MAP4: variants seen among roughly 807,000 people sequenced by gnomAD.
MAP4 encodes the protein microtubule associated protein 4.
MAP4 carries 76 observed loss-of-function variants against 170.2 expected under a neutral mutation model. The observed-to-expected ratio is 0.45, with a 90% CI of 0.37 to 0.54. The LOEUF is 0.54. Ranked by LOEUF, MAP4 falls within the 20% of genes least tolerant of loss-of-function variation. MAP4 has a pLI of 0.00. For synonymous variants in MAP4, 909 were observed against 994.5 expected (o/e 0.91, Z 1.62); for missense variants, 2,506 against 2,748.0 (o/e 0.91, Z 1.97).
intron 2 of MAP4, among the ~76,000 whole-genome samples, chr3:47,986,320 TTTG>T (rs1286964721): frequency 6.6e-6 from 1 of 150,718 alleles, no homozygotes; most frequent in Non-Finnish European, 1.5e-5. Flanking sequence ...TTTTTGTTGC[TTTG>T]TTTTTTGTTT....
chr3:47,924,713 C>T (rs905629831), intron 4 of MAP4, among the ~76,000 whole-genome samples: 3 of 152,068 alleles, frequency 2.0e-5, no homozygotes, highest in South Asian at 4.1e-4. Context: ...CTTACGTGGC[C>T]GTTGAATGGA....
intron 1 of MAP4, among the ~76,000 whole-genome samples, chr3:48,002,954 A>T (rs182473647): frequency 8.3e-5 from 12 of 144,754 alleles, no homozygotes; most frequent in Admixed American, 6.2e-4. Flanking sequence ...ATTAAGGCCA[A>T]AAATAAATAA....
chr3:48,062,391 A>T (rs2100136111), intron 1 of MAP4, among the ~76,000 whole-genome samples: 1 of 150,140 alleles, frequency 6.7e-6, no homozygotes, highest in African/African-American at 2.4e-5. Flanking sequence ...GCCTAGGAAA[A>T]CCAGAGACCT....
chr3:47,973,024 T>A, intron 3 of MAP4: 1 of 985,228 alleles, frequency 1.0e-6, no homozygotes. Context: ...TTACCCAACT[T>A]GTGTTTTAGT....
At chr3:48,008,284 G>C (rs909858453) in intron 1 of MAP4, among the ~76,000 whole-genome samples, 23 of 152,196 alleles carry the variant, frequency 1.5e-4, no homozygotes, top group Non-Finnish European at 7.3e-5. Flanking sequence ...AGTTCCCTAT[G>C]ATCAGCTGAC....
intron 1 of MAP4, among the ~76,000 whole-genome samples, chr3:48,044,250 G>A (rs955458438): frequency 4.6e-4 from 70 of 150,820 alleles, no homozygotes; most frequent in African/African-American, 1.7e-3. Context: ...CACCTCCCAG[G>A]TTCATGCCAT....
chr3:47,974,347 C>G (rs1184462430), intron 3 of MAP4: 1 of 502,934 alleles, frequency 2.0e-6, no homozygotes, highest in Non-Finnish European at 2.6e-6. Context: ...ACCACTTGAA[C>G]CTGGGAGGCA....
chr3:47,927,034 C>T (rs1414569051), intron 4 of MAP4, among the ~76,000 whole-genome samples: 1 of 151,568 alleles, frequency 6.6e-6, no homozygotes, highest in Non-Finnish European at 1.5e-5. Context: ...TAGTGGGCAC[C>T]TGTAATTCCA....
In MAP4 at chr3:47,912,399, G is replaced by A. The variant is rs368195567; in HGVS notation, c.2022C>T (p.Thr674=). The A allele has an allele frequency of 3.4e-6, 5 of 1,489,442 alleles. No individual in the cohort carries two copies. The African/African-American group carries it at 5.6e-5, about 17-fold the overall frequency. 92.3% of individuals were successfully genotyped at this position (1,489,442 alleles called of 1,614,324 possible). A position where few individuals can be genotyped will look rare whatever the true frequency, so the allele number is the denominator to read the frequency against. The change falls in exon 9 of 21, where the codon ACC becomes ACT. Residue 674 remains threonine (T), a synonymous_variant. Coordinates refer to ENST00000683076, the MANE Select transcript of MAP4 (RefSeq NM_001385682.1). ...AAACTTGTTTGGCTTGTGTGGGAGG[G>A]GTACCGCAATACATGAAGTTGGCTA... The part of the protein sequence containing the change: ...ETSANFMYCG[T]PPTQAKQVCR...
chr3:48,078,292 G>A (rs1397581080), intron 1 of MAP4, among the ~76,000 whole-genome samples: 1 of 150,374 alleles, frequency 6.7e-6, no homozygotes, highest in African/African-American at 2.4e-5. Flanking sequence ...CTACAGGTGT[G>A]CACCACCATG....
At chr3:48,034,106 T>C (rs1344735439) in intron 1 of MAP4, among the ~76,000 whole-genome samples, 1 of 152,184 alleles carries the variant, frequency 6.6e-6, no homozygotes, top group Non-Finnish European at 1.5e-5. Flanking sequence ...TTTTTCTACA[T>C]ATCAGTAGTA....
At chr3:48,024,990 G>A (rs1470652672) in intron 1 of MAP4, among the ~76,000 whole-genome samples, 2 of 144,984 alleles carry the variant, frequency 1.4e-5, no homozygotes, top group Non-Finnish European at 2.9e-5. Flanking sequence ...TCTCACTCTG[G>A]TGTCCAGGCT....
intron 1 of MAP4, among the ~76,000 whole-genome samples, chr3:48,048,989 CTT>C (rs1351295129): frequency 6.6e-6 from 1 of 152,146 alleles, no homozygotes; most frequent in Non-Finnish European, 1.5e-5. Flanking sequence ...AGTTTTGTCA[CTT>C]TGAGAATGTC....
At chr3:47,876,560 G>T (rs983660622) in intron 11 of MAP4, among the ~76,000 whole-genome samples, 12 of 127,650 alleles carry the variant, frequency 9.4e-5, no homozygotes, top group African/African-American at 5.9e-4. Flanking sequence ...AAAGCATCAG[G>T]AGGTGATTCA....
intron 1 of MAP4, among the ~76,000 whole-genome samples, chr3:48,040,551 G>A (rs1278481183): frequency 6.6e-6 from 1 of 151,286 alleles, no homozygotes; most frequent in Non-Finnish European, 1.5e-5. Context: ...TTACAGGCGT[G>A]AGCCACCGCG....
intron 1 of MAP4, among the ~76,000 whole-genome samples, chr3:48,084,166 C>T (rs1466202962): frequency 3.3e-5 from 5 of 149,486 alleles, no homozygotes; most frequent in South Asian, 4.2e-4. Context: ...GCTGAGATCG[C>T]GCCACTGTAC....
At chr3:48,051,572 G>C (rs188369444) in intron 1 of MAP4, among the ~76,000 whole-genome samples, 1 of 152,218 alleles carries the variant, frequency 6.6e-6, no homozygotes, top group Admixed American at 6.5e-5. Context: ...ATTTTGGCAA[G>C]ATAGGAGGAT....
At position 47,916,962 on chromosome 3, in the gene MAP4, C is replaced by T; in HGVS notation, c.865G>A (p.Ala289Thr). The change falls in exon 7 of 21, where the codon GCC becomes ACC. Residue 289 changes from alanine to threonine, a missense_variant. Physicochemically the swap from Ala to Thr is moderately conservative, Grantham distance 58. Coordinates refer to ENST00000683076, the MANE Select transcript of MAP4 (RefSeq NM_001385682.1). The stretch of plus-strand genomic sequence containing the variant: ...TCCATGGATGGCTGCATGTCCTTGG[C>T]CAGTGTCACATCTAATTTGGTGGGT... ...ESPTKLDVTLAKDMQPSMESD... is the reference protein window; with the variant it reads ...ESPTKLDVTLTKDMQPSMESD... 3 of 1,614,196 alleles carry T rather than the reference C, an allele frequency of 1.9e-6. No individual in the cohort carries two copies. Among genetic ancestry groups the T allele is most frequent in the Admixed American group, 1.7e-5 (1 of 60,020 alleles).
intron 2 of MAP4, among the ~76,000 whole-genome samples, chr3:47,992,651 A>G (rs1205425037): frequency 1.3e-5 from 2 of 152,140 alleles, no homozygotes; most frequent in Non-Finnish European, 2.9e-5. Flanking sequence ...GCATTCTATG[A>G]AAAAATTATT....
Sources: gnomAD v4.1 joint callset for allele counts (sites outside exome capture counted in the v4.1 genomes callset) on GRCh38, gnomAD v4.1.1 for gene constraint, MANE v1.5 for transcripts, NCBI Gene and HGNC (gene_info 2026-07-23, HGNC 2026-07-21) for gene names.